Variants in PTPRD observed in about 807,000 individuals in gnomAD.
The protein encoded by PTPRD is protein tyrosine phosphatase receptor type D, also known as receptor-type tyrosine-protein phosphatase delta.
In PTPRD, 34 loss-of-function variants were observed where a neutral mutation model predicts 214.5. The observed-to-expected ratio is 0.16, with a 90% CI of 0.12 to 0.21. PTPRD has a LOEUF of 0.21. PTPRD is among the 10% of genes least tolerant of loss of function. The probability of loss-of-function intolerance (pLI) is 1.00; values close to 1 mark genes in which losing one functional copy is unlikely to be tolerated. For missense variants in PTPRD, 2,545 were observed against 2,398.7 expected (o/e 1.06, Z -1.27); for synonymous variants, 1,128 against 845.7 (o/e 1.33, Z -5.79).
intron 2 of PTPRD, among the ~76,000 whole-genome samples, chr9:10,404,162 T>C (rs1452007429): frequency 6.6e-6 from 1 of 151,650 alleles, no homozygotes; most frequent in Non-Finnish European, 1.5e-5. Flanking sequence ...AACAATAAAG[T>C]TGACAAAAAA....
chr9:9,211,888 T>C (rs1292253137), intron 9 of PTPRD, among the ~76,000 whole-genome samples: 4 of 152,130 alleles, frequency 2.6e-5, no homozygotes, highest in African/African-American at 7.2e-5. Context: ...ACTGTTTCAG[T>C]GTTGCAGCCA....
At chr9:8,710,115 A>G (rs117270038) in intron 12 of PTPRD, among the ~76,000 whole-genome samples, 1 of 152,322 alleles carries the variant, frequency 6.6e-6, no homozygotes, top group Non-Finnish European at 1.5e-5. Context: ...GCACATCCTA[A>G]GTGCCCAATA....
At chr9:9,699,344 T>G (rs1051482314) in intron 7 of PTPRD, among the ~76,000 whole-genome samples, 1 of 152,220 alleles carries the variant, frequency 6.6e-6, no homozygotes, top group African/African-American at 2.4e-5. Context: ...CTAACCACCA[T>G]TATCTTTTAA....
chr9:10,492,707 C>G (rs2040732784), intron 2 of PTPRD, among the ~76,000 whole-genome samples: 1 of 152,054 alleles, frequency 6.6e-6, no homozygotes, highest in South Asian at 2.1e-4. Context: ...TGCAGAAGCT[C>G]TTTACTTTAA....
At chr9:10,551,203 A>G (rs2784611) in intron 2 of PTPRD, among the ~76,000 whole-genome samples, 60,108 of 151,910 alleles carry the variant, frequency 0.4, 12,385 homozygotes, top group East Asian at 0.65. Flanking sequence ...GCCATGTATC[A>G]TGTCACACAC....
chr9:9,873,488 A>C (rs1410704444), intron 5 of PTPRD, among the ~76,000 whole-genome samples: 1 of 152,032 alleles, frequency 6.6e-6, no homozygotes, highest in Non-Finnish European at 1.5e-5. Flanking sequence ...CTATAAGGGC[A>C]GTTAATAAGA....
At chr9:8,390,299 C>G (rs186464803) in intron 36 of PTPRD, among the ~76,000 whole-genome samples, 5 of 152,272 alleles carry the variant, frequency 3.3e-5, no homozygotes, top group Non-Finnish European at 2.9e-5. Flanking sequence ...TTCCCAAACT[C>G]ATCTCATTCC....
chr9:9,671,750 A>C (rs572647359), intron 7 of PTPRD, among the ~76,000 whole-genome samples: 1 of 152,282 alleles, frequency 6.6e-6, no homozygotes, highest in South Asian at 2.1e-4. Context: ...CCGCCATGTC[A>C]GAAGTGCCTT....
chr9:9,237,737 G>T (rs1223955650), intron 9 of PTPRD, among the ~76,000 whole-genome samples: 8 of 152,024 alleles, frequency 5.3e-5, no homozygotes, highest in African/African-American at 1.9e-4. Flanking sequence ...ATTTGATCCT[G>T]CATCTCCTGT....
At chr9:10,413,582 A>G (rs1251784830) in intron 2 of PTPRD, among the ~76,000 whole-genome samples, 1 of 151,980 alleles carries the variant, frequency 6.6e-6, no homozygotes, top group Admixed American at 6.6e-5. Flanking sequence ...TACCAATGGC[A>G]TTCTTCAAAG....
intron 11 of PTPRD, among the ~76,000 whole-genome samples, chr9:8,901,569 C>T (rs951144372): frequency 6.6e-6 from 1 of 152,164 alleles, no homozygotes; most frequent in African/African-American, 2.4e-5. Context: ...AGTAACTTAT[C>T]CAAGCTCTCA....
chr9:8,581,330 G>C (rs138240661), intron 14 of PTPRD, among the ~76,000 whole-genome samples: 5 of 152,128 alleles, frequency 3.3e-5, no homozygotes, highest in Admixed American at 3.3e-4. Context: ...CAAAAACAAA[G>C]AAAAGGGAGG....
At chr9:9,101,103 G>T (rs1328016311) in intron 10 of PTPRD, among the ~76,000 whole-genome samples, 1 of 37,568 alleles carries the variant, frequency 2.7e-5, no homozygotes, top group Non-Finnish European at 9.3e-5. Flanking sequence ...ATGTAAAACA[G>T]AGAGAGAGAG....
chr9:9,966,221 G>T (rs1587641551), intron 4 of PTPRD, among the ~76,000 whole-genome samples: 1 of 151,988 alleles, frequency 6.6e-6, no homozygotes, highest in African/African-American at 2.4e-5. Context: ...CGCAACACAA[G>T]GAAAGATTTA....
chr9:9,549,418 G>C (rs2079635965), intron 8 of PTPRD, among the ~76,000 whole-genome samples: 3 of 151,982 alleles, frequency 2.0e-5, no homozygotes, highest in Admixed American at 6.6e-5. Flanking sequence ...TAAACTCATA[G>C]AAAAGTGTTC....
chr9:9,208,908 C>A (rs1467974072), intron 9 of PTPRD, among the ~76,000 whole-genome samples: 1 of 151,716 alleles, frequency 6.6e-6, no homozygotes, highest in Non-Finnish European at 1.5e-5. Context: ...CCCGGGTTCA[C>A]GCCATTCTCT....
At chr9:10,398,906 C>T (rs1417056598) in intron 2 of PTPRD, among the ~76,000 whole-genome samples, 1 of 151,952 alleles carries the variant, frequency 6.6e-6, no homozygotes, top group Non-Finnish European at 1.5e-5. Flanking sequence ...GCTAGGAAAT[C>T]ATGGATCTGA....
At chr9:10,483,772 A>C (rs1275900427) in intron 2 of PTPRD, among the ~76,000 whole-genome samples, 1 of 152,160 alleles carries the variant, frequency 6.6e-6, no homozygotes, top group Non-Finnish European at 1.5e-5. Context: ...AAGTCAAAAA[A>C]CAATAGATGT....
At chr9:9,485,155 A>C (rs2095575239) in intron 8 of PTPRD, among the ~76,000 whole-genome samples, 1 of 152,220 alleles carries the variant, frequency 6.6e-6, no homozygotes, top group Admixed American at 6.5e-5. Context: ...CTGTAAAAAT[A>C]ATCTATAATA....
Sources: allele counts gnomAD v4.1 joint callset (sites outside exome capture counted in the v4.1 genomes callset), GRCh38; gene constraint gnomAD v4.1.1; transcripts MANE v1.5; gene names NCBI Gene and HGNC (gene_info 2026-07-23, HGNC 2026-07-21).